GLIS3: variants seen among roughly 807,000 people sequenced by gnomAD.
GLIS3 encodes the protein GLIS family zinc finger 3.
In GLIS3, 53 loss-of-function variants were observed where a neutral mutation model predicts 78.6. The observed-to-expected ratio is 0.67, with a 90% CI of 0.54 to 0.85. The LOEUF is 0.85. Ranked by LOEUF, GLIS3 falls within the 40% of genes least tolerant of loss-of-function variation. The probability of loss-of-function intolerance (pLI) is 0.00; values close to 1 mark genes in which losing one functional copy is unlikely to be tolerated. For synonymous variants in GLIS3, 684 were observed against 509.9 expected (o/e 1.34, Z -4.60); for missense variants, 1,703 against 1,231.1 (o/e 1.38, Z -5.74).
At chr9:4,437,825 T>C in the GLIS3 span, among the ~76,000 whole-genome samples, 1 of 152,202 alleles carries the variant, frequency 6.6e-6, no homozygotes, top group Non-Finnish European at 1.5e-5. Flanking sequence ...TCTTAATGAA[T>C]AGTAAATATA....
rs555952195 is a variant in GLIS3 at position 4,308,174 on chromosome 9, C to A, written n.584+603G>T. On this transcript the variant is annotated intron_variant and non_coding_transcript_variant, in intron 4 of 4. Coordinates refer to the GLIS3 transcript ENST00000471664. ...CTTGGTGTCACGACCTATCTGAAAG[C>A]CTTAACCCTGCCACCACCCACTTTC... Among the ~76,000 whole-genome samples the A allele has an allele frequency of 7.2e-5, 11 of 152,188 alleles. No homozygotes were observed. In the South Asian group the frequency reaches 1.9e-3, roughly 26 times the overall value.
chr9:3,843,736 C>G (rs1268455732), intron 9 of GLIS3, among the ~76,000 whole-genome samples: 4 of 152,152 alleles, frequency 2.6e-5, no homozygotes, highest in African/African-American at 7.2e-5. Context: ...AGCCCAGATC[C>G]ACAGATGCAA....
the GLIS3 span, among the ~76,000 whole-genome samples, chr9:4,436,115 T>A: frequency 6.6e-6 from 1 of 152,260 alleles, no homozygotes; most frequent in East Asian, 1.9e-4. Context: ...ACATTTGCTA[T>A]ATCCTTGGAC....
chr9:3,908,132 A>C (rs1206218138), intron 6 of GLIS3, among the ~76,000 whole-genome samples: 2 of 152,198 alleles, frequency 1.3e-5, no homozygotes, highest in African/African-American at 2.4e-5. Flanking sequence ...AAGGGGCTTC[A>C]GATGTCACTG....
At chr9:4,158,540 TC>T (rs1168381253) in intron 2 of GLIS3, among the ~76,000 whole-genome samples, 2 of 152,194 alleles carry the variant, frequency 1.3e-5, no homozygotes, top group African/African-American at 4.8e-5. Context: ...TTTTAAGATG[TC>T]CCCGATATGC....
chr9:3,992,235 T>TA (rs1490685326), intron 4 of GLIS3, among the ~76,000 whole-genome samples: 2 of 152,176 alleles, frequency 1.3e-5, no homozygotes, highest in Admixed American at 6.5e-5. Context: ...ATGCTTAGTG[T>TA]AAAAAAATAT....
At chr9:4,088,168 G>A (rs764894699) in intron 4 of GLIS3, among the ~76,000 whole-genome samples, 1 of 152,158 alleles carries the variant, frequency 6.6e-6, no homozygotes, top group Non-Finnish European at 1.5e-5. Context: ...GGAAAGAAAG[G>A]AGATGAAAAA....
chr9:4,324,819 C>CA (rs1161810554), intron 2 of GLIS3, among the ~76,000 whole-genome samples: 1 of 152,068 alleles, frequency 6.6e-6, no homozygotes, highest in Non-Finnish European at 1.5e-5. Flanking sequence ...TTCAAGTTTC[C>CA]AAAAATAAAA....
intron 4 of GLIS3, among the ~76,000 whole-genome samples, chr9:3,979,359 T>C (rs144764369): frequency 2.6e-5 from 4 of 152,332 alleles, no homozygotes; most frequent in African/African-American, 4.8e-5. Flanking sequence ...CAAAGTTGTA[T>C]TGACTCCTCA....
At chr9:4,258,925 G>T (rs552955391) in intron 2 of GLIS3, among the ~76,000 whole-genome samples, 3 of 151,940 alleles carry the variant, frequency 2.0e-5, no homozygotes, top group East Asian at 1.9e-4. Context: ...TTTTCCAATC[G>T]TATTTATAAA....
chr9:4,374,843 T>C, the GLIS3 span, among the ~76,000 whole-genome samples: 8 of 152,268 alleles, frequency 5.3e-5, no homozygotes, highest in African/African-American at 1.9e-4. Context: ...TCAACACACA[T>C]GCACATATGT....
intron 7 of GLIS3, among the ~76,000 whole-genome samples, chr9:3,894,029 A>G (rs372525620): frequency 6.6e-6 from 1 of 152,174 alleles, no homozygotes; most frequent in Non-Finnish European, 1.5e-5. Context: ...CAAAAACTGC[A>G]AGGTTTTGAT....
chr9:4,114,443 G>C (rs1019498379), intron 4 of GLIS3, among the ~76,000 whole-genome samples: 2 of 152,122 alleles, frequency 1.3e-5, no homozygotes, highest in East Asian at 3.9e-4. Flanking sequence ...GAGACTCCAT[G>C]ACTTGTTCTG....
At chr9:4,138,831 T>C (rs565758971) in intron 2 of GLIS3, among the ~76,000 whole-genome samples, 2 of 152,324 alleles carry the variant, frequency 1.3e-5, no homozygotes, top group Admixed American at 6.5e-5. Flanking sequence ...CTATAAGCTG[T>C]AGGCATTCAT....
chr9:4,370,566 T>C, the GLIS3 span, among the ~76,000 whole-genome samples: 6 of 152,166 alleles, frequency 3.9e-5, no homozygotes, highest in African/African-American at 9.7e-5. Context: ...TGGATCATGA[T>C]AGATCTGAAA....
intron 4 of GLIS3, among the ~76,000 whole-genome samples, chr9:3,942,010 C>T (rs1188578912): frequency 1.2e-4 from 18 of 152,094 alleles, no homozygotes; most frequent in Admixed American, 1.2e-3. Flanking sequence ...AAATGAAAGG[C>T]TCATTAGACA....
At chr9:4,224,213 A>G (rs574786806) in intron 2 of GLIS3, among the ~76,000 whole-genome samples, 29 of 152,320 alleles carry the variant, frequency 1.9e-4, no homozygotes, top group African/African-American at 6.0e-4. Flanking sequence ...TATAGGGCTC[A>G]GTTTCCTCAT....
intron 2 of GLIS3, among the ~76,000 whole-genome samples, chr9:4,244,485 A>T (rs1823613801): frequency 6.6e-6 from 1 of 152,242 alleles, no homozygotes; most frequent in African/African-American, 2.4e-5. Flanking sequence ...TGAAAACTAC[A>T]TTGGAAAGAG....
intron 4 of GLIS3, among the ~76,000 whole-genome samples, chr9:3,976,256 G>C (rs1456864459): frequency 2.0e-5 from 3 of 151,426 alleles, no homozygotes; most frequent in Non-Finnish European, 4.4e-5. Context: ...GAAGATGAGA[G>C]GGGAGGCAGG....
Sources: gnomAD v4.1 joint callset for allele counts (sites outside exome capture counted in the v4.1 genomes callset) on GRCh38, gnomAD v4.1.1 for gene constraint, MANE v1.5 for transcripts, NCBI Gene and HGNC (gene_info 2026-07-23, HGNC 2026-07-21) for gene names.